AGAP3: variants seen among roughly 807,000 people sequenced by gnomAD.
AGAP3 encodes the protein arf-GAP with GTPase, ANK repeat and PH domain-containing protein 3.
A neutral mutation model predicts 96.9 loss-of-function variants in AGAP3; 24 were observed. The observed-to-expected ratio is 0.25, with a 90% CI of 0.18 to 0.35. The LOEUF (loss-of-function observed/expected upper bound fraction) is 0.35. AGAP3 is among the 10% of genes least tolerant of loss of function. The pLI is 1.00. For synonymous variants in AGAP3, 563 were observed against 536.1 expected (o/e 1.05, Z -0.69); for missense variants, 876 against 1,254.2 (o/e 0.70, Z 4.55).
intron 1 of AGAP3, 50 bp downstream of exon 1, chr7:151,087,122 CG>C: frequency 6.5e-7 from 1 of 1,543,568 alleles, no homozygotes; most frequent in Non-Finnish European, 8.8e-7. Flanking sequence ...GCCTCTCCGG[CG>C]CCGGCCGAGG....
intron 1 of AGAP3, among the ~76,000 whole-genome samples, chr7:151,093,933 G>A (rs571707409): frequency 9.8e-5 from 15 of 152,298 alleles, no homozygotes; most frequent in African/African-American, 2.9e-4. Flanking sequence ...CTCCCTGGCC[G>A]GGGGTCTTGT....
At chr7:151,115,626 C>T in intron 1 of AGAP3, 1 of 1,168,480 alleles carries the variant, frequency 8.6e-7, no homozygotes, top group Non-Finnish European at 1.1e-6. Flanking sequence ...CCCGGAGCTC[C>T]TGCGCGCGCC....
At chr7:151,103,674 G>A (rs895223986) in intron 1 of AGAP3, among the ~76,000 whole-genome samples, 1 of 152,180 alleles carries the variant, frequency 6.6e-6, no homozygotes, top group African/African-American at 2.4e-5. Context: ...AGGAAGGTCA[G>A]AAGAGCTCCC....
At position 151,096,142 on chromosome 7, in the gene AGAP3, C is replaced by T. The variant is rs1008901529; in HGVS notation, c.331+9070C>T. On this transcript the variant is annotated intron_variant, in intron 1 of 17. Transcript: ENST00000397238. The surrounding 1 kb of genome is among the most constrained non-coding windows in gnomAD (Gnocchi z 4.4). Reference sequence around the variant, plus strand: ...GAGCAGCAGCTGCCCTGAGGATGTGCGTGCTGGGTGGCGACTGTCTCATTA... The same window carrying T: ...GAGCAGCAGCTGCCCTGAGGATGTGTGTGCTGGGTGGCGACTGTCTCATTA... Among the ~76,000 whole-genome samples, 1 of 152,180 alleles carries T rather than the reference C, an allele frequency of 6.6e-6. No homozygotes were observed. Among genetic ancestry groups the T allele is most frequent in the Non-Finnish European group, 1.5e-5 (1 of 68,030 alleles).
chr7:151,115,248 G>C lies in AGAP3; in HGVS notation c.332-1545G>C, dbSNP rs1462105984. Reference sequence around the variant, plus strand: ...CAGCGCGGGCTTCCTGCGCGGCGCGGCGTTGTGGAGCAGCCAGCGCTGGCC... The same window carrying C: ...CAGCGCGGGCTTCCTGCGCGGCGCGCCGTTGTGGAGCAGCCAGCGCTGGCC... On this transcript the variant is annotated intron_variant, in intron 1 of 17. Transcript: ENST00000397238. 10 of 1,002,216 alleles carry C rather than the reference G, an allele frequency of 1.0e-5. No individual in the cohort carries two copies. In the African/African-American group the frequency reaches 1.6e-4, roughly 16 times the overall value. 62.1% of individuals were successfully genotyped at this position (1,002,216 alleles called of 1,614,324 possible).
At chr7:151,102,136 G>A (rs992899733) in intron 1 of AGAP3, among the ~76,000 whole-genome samples, 3 of 152,202 alleles carry the variant, frequency 2.0e-5, no homozygotes, top group African/African-American at 7.2e-5. Flanking sequence ...TCAGCTGACT[G>A]AAAAGCAAAG....
chr7:151,141,516 C>T lies in AGAP3; in HGVS notation c.1805-382C>T, dbSNP rs1486867741. The T allele has an allele frequency of 4.0e-6, 1 of 246,930 alleles. No homozygotes were observed. Among genetic ancestry groups the T allele is most frequent in the Non-Finnish European group, 8.0e-6 (1 of 125,730 alleles). The allele number at this position is 246,930 out of a possible 1,614,324, so 15.3% of individuals were successfully genotyped here. A position where few individuals can be genotyped will look rare whatever the true frequency, so the allele number is the denominator to read the frequency against. Reference sequence around the variant, plus strand: ...GATGGTGCCCACACCCGCCTTCCCCCACCCTCTCCCAGTGTTTGCCTCCTA... The same window carrying T: ...GATGGTGCCCACACCCGCCTTCCCCTACCCTCTCCCAGTGTTTGCCTCCTA... On this transcript the variant is annotated intron_variant, in intron 13 of 17. Coordinates refer to ENST00000397238, the MANE Select transcript of AGAP3 (RefSeq NM_031946.7). This position sits in a 1 kb window ranked among gnomAD's most constrained non-coding sequence, Gnocchi z 4.2.
chr7:151,138,235 C>T lies in AGAP3; in HGVS notation c.1588C>T (p.Gln530Ter). The T allele has an allele frequency of 1.9e-6, 3 of 1,612,638 alleles. No individual in the cohort carries two copies. The highest frequency in any genetic ancestry group is 1.7e-6 in the Non-Finnish European group (2 of 1,179,752). Residue 530 changes from glutamine (Q) to a stop codon, truncating the protein, a stop_gained, in exon 12 of 18, where the codon CAG becomes TAG. Transcript: ENST00000397238. LOFTEE classifies it high-confidence loss of function. ...TGGCCCGCGCCCTGAGGGGCTGCACCAGCGCTCCTGCTCCGTTTCCAGCGC... is the reference window on the plus strand; with the variant it reads ...TGGCCCGCGCCCTGAGGGGCTGCACTAGCGCTCCTGCTCCGTTTCCAGCGC... ...WAGPRPEGLHQRSCSVSSADQ... is the reference protein window; with the variant it reads ...WAGPRPEGLH
At position 151,116,905 on chromosome 7, in the gene AGAP3, G is replaced by C. The variant is rs892939592; in HGVS notation, c.390+54G>C. On this transcript the variant is annotated intron_variant, in intron 2 of 17. Coordinates refer to ENST00000397238, the MANE Select transcript of AGAP3 (RefSeq NM_031946.7). ...GGCCTGGAGCTGGGGGGGCGAGGCT[G>C]GGTGCCGCGGGCCTGGGCCTTGCTT... The C allele has an allele frequency of 1.4e-5, 23 of 1,606,644 alleles. No homozygotes were observed. The Admixed American group carries it at 3.8e-4, about 27-fold the overall frequency.
intron 11 of AGAP3, among the ~76,000 whole-genome samples, 154 bp downstream of exon 11, chr7:151,134,722 G>A (rs947016189): frequency 1.1e-4 from 17 of 152,336 alleles, no homozygotes; most frequent in African/African-American, 3.8e-4. Flanking sequence ...GTGCCCTAAC[G>A]CAGCCCTCGT....
chr7:151,129,760 C>T (rs1800332422), intron 10 of AGAP3, among the ~76,000 whole-genome samples: 1 of 149,864 alleles, frequency 6.7e-6, no homozygotes, highest in Non-Finnish European at 1.5e-5. Context: ...CAATGAGAGG[C>T]AGCCAGGCCT....
chr7:151,098,733 CT>C (rs34617813), intron 1 of AGAP3, among the ~76,000 whole-genome samples: 36,297 of 115,886 alleles, frequency 0.31, 4,334 homozygotes, highest in East Asian at 0.37. Flanking sequence ...ATTTTCTTTT[CT>C]TTTTTTTTTT....
At position 151,128,725 on chromosome 7, in the gene AGAP3, G is replaced by A. The variant is rs1486973035; in HGVS notation, c.1326+41G>A. On this transcript the variant is annotated intron_variant, in intron 10 of 17. Coordinates refer to ENST00000397238, the MANE Select transcript of AGAP3 (RefSeq NM_031946.7). Reference sequence around the variant, plus strand: ...GGAGCCTCCTGGGGGAGTATGGGGAGGGGGTGGAGGGAGGATAACAGAATG... The same window carrying A: ...GGAGCCTCCTGGGGGAGTATGGGGAAGGGGTGGAGGGAGGATAACAGAATG... 6 of 1,527,648 alleles carry A rather than the reference G, an allele frequency of 3.9e-6. No individual in the cohort carries two copies. The East Asian group carries it at 9.0e-5, about 23-fold the overall frequency. 94.6% of individuals were successfully genotyped at this position (1,527,648 alleles called of 1,614,324 possible).
intron 8 of AGAP3, chr7:151,123,034 C>T: frequency 1.5e-6 from 2 of 1,347,900 alleles, no homozygotes; most frequent in African/African-American, 3.0e-5. Flanking sequence ...AAGAAGGCAG[C>T]TCGGCCCCAC....
chr7:151,126,149 G>T (rs961959409), intron 9 of AGAP3, among the ~76,000 whole-genome samples: 3 of 152,090 alleles, frequency 2.0e-5, no homozygotes, highest in Non-Finnish European at 4.4e-5. Context: ...CTCCGCCTGG[G>T]GAGGGCGTTG....
chr7:151,123,167 T>C, intron 8 of AGAP3: 1 of 1,076,298 alleles, frequency 9.3e-7, no homozygotes, highest in South Asian at 3.1e-5. Flanking sequence ...TGCATGGACC[T>C]CTGCCGTTCC....
chr7:151,118,540 C>G lies in AGAP3; in HGVS notation c.877C>G (p.Gln293Glu). 1 of 1,614,186 alleles carries G rather than the reference C, an allele frequency of 6.2e-7. No individual in the cohort carries two copies. The highest frequency in any genetic ancestry group is 8.5e-7 in the Non-Finnish European group (1 of 1,180,040). The stretch of plus-strand genomic sequence containing the variant: ...GGTAGTGGCCTTGCGAAAGAAGCAG[C>G]AACTGGCCATCGGGCCCTGCAAGTC... ...QKVVALRKKQ[Q>E]LAIGPCKSLP... The change falls in exon 7 of 18, where the codon CAA becomes GAA. Residue 293 changes from glutamine to glutamate, a missense_variant. Physicochemically the swap from Gln to Glu is conservative, Grantham distance 29. Around this residue, in one of 8 missense-constraint regions of AGAP3, gnomAD observed 100 missense variants for 129.4 expected, o/e 0.77. Coordinates refer to ENST00000397238, the MANE Select transcript of AGAP3 (RefSeq NM_031946.7). This position sits in a 1 kb window ranked among gnomAD's most constrained non-coding sequence, Gnocchi z 6.1.
intron 2 of AGAP3, 95 bp downstream of exon 2, chr7:151,116,946 C>T (rs1264614556): frequency 2.4e-5 from 37 of 1,554,168 alleles, no homozygotes; most frequent in Non-Finnish European, 3.1e-5. Context: ...GCTTCTGTCC[C>T]CTTCTCTGCT....
intron 10 of AGAP3, 54 bp from the exon 11 acceptor site, chr7:151,134,346 C>T: frequency 6.3e-7 from 1 of 1,598,836 alleles, no homozygotes; most frequent in East Asian, 2.2e-5. Context: ...AGGCTCAACG[C>T]TGGAGTGACT....
Sources: allele counts gnomAD v4.1 joint callset (sites outside exome capture counted in the v4.1 genomes callset), GRCh38; gene constraint gnomAD v4.1.1; regional missense constraint gnomAD v4.1.1; non-coding constraint Gnocchi (gnomAD v3.1); transcripts MANE v1.5; gene names NCBI Gene and HGNC (gene_info 2026-07-23, HGNC 2026-07-21).